The following UNC13C variants were observed in gnomAD, a reference collection of about 807,000 sequenced individuals.
The protein encoded by UNC13C is unc-13 homolog C, also known as protein unc-13 homolog C.
Under a neutral mutation model 245.4 loss-of-function variants are expected in UNC13C, and 174 were observed. The ratio of observed to expected loss-of-function variants is 0.71; its 90% CI spans 0.63 to 0.80. The LOEUF is 0.80. Ranked by LOEUF, UNC13C falls within the 30% of genes least tolerant of loss-of-function variation. UNC13C has a pLI of 0.00. For synonymous variants in UNC13C, 992 were observed against 895.1 expected (o/e 1.11, Z -1.93); for missense variants, 2,829 against 2,602.9 (o/e 1.09, Z -1.89).
the UNC13C span, among the ~76,000 whole-genome samples, chr15:53,931,642 A>G: frequency 9.2e-5 from 14 of 152,228 alleles, no homozygotes; most frequent in South Asian, 2.7e-3. Flanking sequence ...TTATATGCCT[A>G]GTCTAAGCTT....
At chr15:53,838,491 A>G in the UNC13C span, among the ~76,000 whole-genome samples, 1 of 152,042 alleles carries the variant, frequency 6.6e-6, no homozygotes, top group Admixed American at 6.6e-5. Context: ...CTATGAATAG[A>G]TGTTTAATTT....
chr15:54,064,798 C>CA (rs1898000283), intron 2 of UNC13C, among the ~76,000 whole-genome samples: 1 of 152,130 alleles, frequency 6.6e-6, no homozygotes, highest in Admixed American at 6.6e-5. Flanking sequence ...CATCACTTTC[C>CA]ATGTACTTCC....
At chr15:54,255,477 C>A (rs1469434567) in intron 8 of UNC13C, among the ~76,000 whole-genome samples, 1 of 152,108 alleles carries the variant, frequency 6.6e-6, no homozygotes, top group East Asian at 1.9e-4. Flanking sequence ...CTGTGCTCTT[C>A]CACTCGGCAT....
chr15:53,865,971 ATAAC>A, the UNC13C span, among the ~76,000 whole-genome samples: 3 of 152,166 alleles, frequency 2.0e-5, no homozygotes, highest in Non-Finnish European at 4.4e-5. Context: ...TAACAAATAA[ATAAC>A]TAAAAGATGG....
At chr15:54,024,996 T>C (rs1173243640) in intron 2 of UNC13C, among the ~76,000 whole-genome samples, 2 of 152,214 alleles carry the variant, frequency 1.3e-5, no homozygotes, top group African/African-American at 4.8e-5. Context: ...ATTTACTGAC[T>C]CTCAGCTACT....
chr15:53,878,527 G>T, the UNC13C span, among the ~76,000 whole-genome samples: 1 of 152,120 alleles, frequency 6.6e-6, no homozygotes. Context: ...TCTCTGCATG[G>T]CCATAAGGGC....
chr15:54,107,994 T>A (rs558782198), intron 2 of UNC13C, among the ~76,000 whole-genome samples: 2 of 152,182 alleles, frequency 1.3e-5, no homozygotes, highest in Non-Finnish European at 2.9e-5. Flanking sequence ...TCTGTGACTT[T>A]GAGGCCACAG....
chr15:54,619,180 A>G (rs1223655333), intron 30 of UNC13C, among the ~76,000 whole-genome samples: 1 of 152,106 alleles, frequency 6.6e-6, no homozygotes, highest in African/African-American at 2.4e-5. Flanking sequence ...AGTTCCTTAA[A>G]TGTGAGCCTT....
At chr15:53,867,557 T>C in the UNC13C span, among the ~76,000 whole-genome samples, 16 of 152,272 alleles carry the variant, frequency 1.1e-4, 1 homozygote, top group South Asian at 2.9e-3. Context: ...CTTTCTTTTC[T>C]GGTGAGAAAA....
chr15:54,103,460 T>G lies in UNC13C; in HGVS notation c.2984-39558T>G, dbSNP rs1167110409. ...AGCTGGTCATATGTACAAAGCAAAT[T>G]ATAGTTTACCAACCGTGTTCAAATT... On this transcript the variant is annotated intron_variant, in intron 2 of 32. Transcript: ENST00000260323. 2.6e-5 allele frequency among the ~76,000 whole-genome samples: 4 copies of G among 152,222 alleles called. No individual in the cohort carries two copies. The East Asian group carries it at 7.7e-4, about 29-fold the overall frequency.
intron 14 of UNC13C, among the ~76,000 whole-genome samples, chr15:54,330,071 C>T (rs932223205): frequency 6.6e-6 from 1 of 151,700 alleles, no homozygotes; most frequent in African/African-American, 2.4e-5. Flanking sequence ...TCGTTCTTTC[C>T]ATTTTCATCT....
At chr15:54,112,447 G>T (rs1013804401) in intron 2 of UNC13C, among the ~76,000 whole-genome samples, 2 of 152,144 alleles carry the variant, frequency 1.3e-5, no homozygotes, top group African/African-American at 2.4e-5. Flanking sequence ...GTGCCTGAAG[G>T]AGCTGGCCAC....
At chr15:53,924,010 C>G in the UNC13C span, among the ~76,000 whole-genome samples, 1 of 152,064 alleles carries the variant, frequency 6.6e-6, no homozygotes, top group African/African-American at 2.4e-5. Flanking sequence ...AGTTCGGGAC[C>G]AGCCTAACAT....
chr15:54,337,112 C>T (rs1353551866), intron 16 of UNC13C, among the ~76,000 whole-genome samples: 1 of 152,156 alleles, frequency 6.6e-6, no homozygotes, highest in Non-Finnish European at 1.5e-5. Context: ...GTCAACATCT[C>T]ATGTTTTATT....
At chr15:54,521,144 C>G (rs1258902281) in intron 24 of UNC13C, among the ~76,000 whole-genome samples, 4 of 152,056 alleles carry the variant, frequency 2.6e-5, no homozygotes, top group Non-Finnish European at 5.9e-5. Context: ...TTTCATGGAA[C>G]TAGAGGTGAA....
At chr15:54,560,447 T>G (rs1897256582) in intron 29 of UNC13C, among the ~76,000 whole-genome samples, 1 of 151,926 alleles carries the variant, frequency 6.6e-6, no homozygotes, top group African/African-American at 2.4e-5. Flanking sequence ...ACTATTTTTT[T>G]TTTGCCTCTC....
intron 2 of UNC13C, among the ~76,000 whole-genome samples, chr15:54,045,388 G>C (rs1157773606): frequency 6.6e-6 from 1 of 152,132 alleles, no homozygotes; most frequent in Non-Finnish European, 1.5e-5. Context: ...TTTCTTAAAA[G>C]ATATTTATTG....
At chr15:54,322,938 G>A (rs1211498932) in intron 14 of UNC13C, among the ~76,000 whole-genome samples, 1 of 151,818 alleles carries the variant, frequency 6.6e-6, no homozygotes, top group African/African-American at 2.4e-5. Context: ...ATATTCCCAG[G>A]TTTCTGGTCA....
intron 8 of UNC13C, among the ~76,000 whole-genome samples, chr15:54,251,243 T>C (rs1157014498): frequency 6.6e-6 from 1 of 152,186 alleles, no homozygotes; most frequent in Non-Finnish European, 1.5e-5. Flanking sequence ...TGCACAGGCC[T>C]TGGAAATGGG....
Sources: gnomAD v4.1 joint callset for allele counts (sites outside exome capture counted in the v4.1 genomes callset) on GRCh38, gnomAD v4.1.1 for gene constraint, MANE v1.5 for transcripts, NCBI Gene and HGNC (gene_info 2026-07-23, HGNC 2026-07-21) for gene names.